The following PIEZO1 variants were observed in gnomAD, a reference collection of about 807,000 sequenced individuals.
PIEZO1 encodes piezo-type mechanosensitive ion channel component 1.
PIEZO1 carries 296 observed loss-of-function variants against 297.2 expected under a neutral mutation model. The ratio of observed to expected loss-of-function variants is 1.00; its 90% CI spans 0.91 to 1.10. The LOEUF (loss-of-function observed/expected upper bound fraction) is 1.10. Among genes scored for constraint, PIEZO1 ranks in the 50% least tolerant of loss-of-function variants. PIEZO1 has a pLI of 0.00. For synonymous variants in PIEZO1, 2,427 were observed against 1,507.5 expected, an observed-to-expected ratio of 1.61 and a Z score of -14.13; for missense variants, 5,018 against 3,455.5, an observed-to-expected ratio of 1.45 and a Z score of -11.34.
In PIEZO1 at chr16:88,738,744, G is replaced by C. The variant is rs1436048405; in HGVS notation, c.466-8C>G. On this transcript the variant is annotated splice_region_variant and splice_polypyrimidine_tract_variant and intron_variant, in intron 5 of 50. Transcript: ENST00000301015. ...ATCCCTCTCATCATCATCCTGCCAA[G>C]GTCACGGACAGGGGCAAGGTCAGGT... 7 of 1,525,172 alleles carry C rather than the reference G, an allele frequency of 4.6e-6. No individual in the cohort carries two copies. The highest frequency in any genetic ancestry group is 1.7e-4 in the Middle Eastern group (1 of 5,974). The allele number at this position is 1,525,172 out of a possible 1,614,324, so 94.5% of individuals were successfully genotyped here.
intron 3 of PIEZO1, 91 bp downstream of exon 3, chr16:88,742,209 G>C (rs1905724957): frequency 6.7e-7 from 1 of 1,501,398 alleles, no homozygotes; most frequent in African/African-American, 1.4e-5. Context: ...ATCAGGCTGA[G>C]TCAACCCCCC....
chr16:88,776,165 T>C (rs538392363), intron 1 of PIEZO1, among the ~76,000 whole-genome samples: 1 of 152,348 alleles, frequency 6.6e-6, no homozygotes, highest in East Asian at 1.9e-4. Context: ...CCGGGCGCGG[T>C]GGCTCACGCC....
Position 88,716,190 on chromosome 16 carries a change from A to C in PIEZO1, c.7129+8T>G, listed in dbSNP as rs1257068604. ...CTAGCCTCCCCCAACCCCCACGCCC[A>C]TACTCACTGGGCTGCAGCTGCTTCA... On this transcript the variant is annotated splice_region_variant and intron_variant, in intron 49 of 50. Transcript: ENST00000301015. 1 of 1,506,056 alleles carries C rather than the reference A, an allele frequency of 6.6e-7. No individual in the cohort carries two copies. Among genetic ancestry groups the C allele is most frequent in the Non-Finnish European group, 8.9e-7 (1 of 1,121,902 alleles). The allele number at this position is 1,506,056 out of a possible 1,614,324, so 93.3% of individuals were successfully genotyped here. A position where few individuals can be genotyped will look rare whatever the true frequency, so the allele number is the denominator to read the frequency against.
At chr16:88,718,498 C>A (rs1465385008) in intron 44 of PIEZO1, 1 of 152,258 alleles carries the variant, frequency 6.6e-6, no homozygotes, top group Admixed American at 6.5e-5. Context: ...TATCATTTGC[C>A]CATAAACAGG....
At chr16:88,719,529 C>A in intron 44 of PIEZO1, 45 bp downstream of exon 44, 1 of 1,515,192 alleles carries the variant, frequency 6.6e-7, no homozygotes, top group Non-Finnish European at 9.0e-7. Context: ...AGGGAGAGGG[C>A]ATATCCCTGG....
Position 88,738,652 on chromosome 16 carries a change from GCCGTGACCT to G in PIEZO1, c.541_549del (p.Arg181_Arg183del). On this transcript the variant is annotated inframe_deletion, in exon 6 of 51. Coordinates refer to ENST00000301015, the MANE Select transcript of PIEZO1 (RefSeq NM_001142864.4). ...GCCGTGACTCGGAAACGAGCGGCCA[GCCGTGACCT>G]CCGTGTAGGGGCCAGCGTTGCTGCT... 6.5e-7 allele frequency: 1 copy of G among 1,535,728 alleles called. No individual in the cohort carries two copies. Among genetic ancestry groups the G allele is most frequent in the African/African-American group, 1.4e-5 (1 of 73,180 alleles).
rs2340987 is a variant in PIEZO1, at chr16:88,733,009, G to C, written c.2664+269C>G. On this transcript the variant is annotated intron_variant, in intron 19 of 50. Coordinates refer to ENST00000301015, the MANE Select transcript of PIEZO1 (RefSeq NM_001142864.4). Reference sequence around the variant, plus strand: ...CAGAGATGCCTGACTGTCTCTCCCTGTCCAGGGGTGGGGCCCTCCCGTCCT... The same window carrying C: ...CAGAGATGCCTGACTGTCTCTCCCTCTCCAGGGGTGGGGCCCTCCCGTCCT... 0.22 allele frequency: 125,233 copies of C among 581,264 alleles called. 16,559 individuals are homozygous for C. Among genetic ancestry groups the C allele is most frequent in the East Asian group, 0.56 (19,652 of 34,938 alleles). 36.0% of individuals were successfully genotyped at this position (581,264 alleles called of 1,614,324 possible).
Position 88,731,909 on chromosome 16 carries a change from A to C in PIEZO1, c.2993T>G (p.Ile998Ser). ...NFFFYKFGLE[I>S]CFLMAVNVIG... The stretch of plus-strand genomic sequence containing the variant: ...CACGTTCACGGCCATCAGGAAGCAG[A>C]TCTGGGGAGGGGAGAGGGCGGGGTG... Residue 998 changes from isoleucine (I) to serine (S), a missense_variant and splice_region_variant, in exon 22 of 51, where the codon ATC becomes AGC. Physicochemically the swap from Ile to Ser is moderately radical, Grantham distance 142 (BLOSUM62 -2). Transcript: ENST00000301015. 1 of 536,776 alleles carries C rather than the reference A, an allele frequency of 1.9e-6. No homozygotes were observed. Among genetic ancestry groups the C allele is most frequent in the Non-Finnish European group, 2.3e-6 (1 of 428,896 alleles). 33.3% of individuals were successfully genotyped at this position (536,776 alleles called of 1,614,324 possible).
chr16:88,742,980 T>C (rs1349520267), intron 2 of PIEZO1: 2 of 445,224 alleles, frequency 4.5e-6, no homozygotes, highest in Non-Finnish European at 9.1e-6. Flanking sequence ...CTATGCATGG[T>C]ACCCAGTCCC....
intron 1 of PIEZO1, among the ~76,000 whole-genome samples, chr16:88,757,897 G>A (rs1261730459): frequency 6.6e-6 from 1 of 152,170 alleles, no homozygotes; most frequent in Admixed American, 6.5e-5. Context: ...GGCAGGAAGG[G>A]TCTGGGCCAG....
chr16:88,761,946 C>T (rs1403188121), intron 1 of PIEZO1, among the ~76,000 whole-genome samples: 2 of 152,204 alleles, frequency 1.3e-5, no homozygotes, highest in Admixed American at 1.3e-4. Flanking sequence ...ACAGAGCAAT[C>T]CCCTGACTCT....
chr16:88,749,814 G>A (rs2142864002), intron 1 of PIEZO1, among the ~76,000 whole-genome samples: 1 of 152,330 alleles, frequency 6.6e-6, no homozygotes. Flanking sequence ...GATCACTTGA[G>A]GTCAGGAGTT....
intron 1 of PIEZO1, among the ~76,000 whole-genome samples, chr16:88,752,625 G>C (rs2142868926): frequency 6.6e-6 from 1 of 152,308 alleles, no homozygotes; most frequent in South Asian, 2.1e-4. Context: ...TGAGGATGGA[G>C]ATGAGGGAGG....
chr16:88,784,891 C>A lies in PIEZO1; in HGVS notation c.64+10G>T. On this transcript the variant is annotated intron_variant, in intron 1 of 50. Transcript: ENST00000301015. ...CTCCCGTCGCCCCCAGGCGCCCGCC[C>A]CCCACTCACCAGCCAGCAGCGCGCA... 7.0e-7 allele frequency: 1 copy of A among 1,437,000 alleles called. No homozygotes were observed. The highest frequency in any genetic ancestry group is 9.2e-7 in the Non-Finnish European group (1 of 1,092,786). The allele number at this position is 1,437,000 out of a possible 1,614,324, so 89.0% of individuals were successfully genotyped here. A position where few individuals can be genotyped will look rare whatever the true frequency, so the allele number is the denominator to read the frequency against.
intron 1 of PIEZO1, among the ~76,000 whole-genome samples, chr16:88,751,708 G>A (rs1485003598): frequency 1.3e-5 from 2 of 151,368 alleles, no homozygotes; most frequent in East Asian, 3.9e-4. Context: ...TCTGGCCCAA[G>A]AGGCAGGAGG....
chr16:88,760,036 G>A (rs971053003), intron 1 of PIEZO1, among the ~76,000 whole-genome samples: 2 of 147,820 alleles, frequency 1.4e-5, no homozygotes, highest in Non-Finnish European at 3.0e-5. Flanking sequence ...ATCCCCACCT[G>A]CCCCTCAAAG....
In PIEZO1 at chr16:88,727,618, T is replaced by C. The variant is rs1014694065; in HGVS notation, c.3240A>G (p.Ala1080=). The C allele has an allele frequency of 5.9e-6, 9 of 1,524,504 alleles. No individual in the cohort carries two copies. In the African/African-American group the frequency reaches 9.7e-5, roughly 17 times the overall value. 94.4% of individuals were successfully genotyped at this position (1,524,504 alleles called of 1,614,324 possible). A position where few individuals can be genotyped will look rare whatever the true frequency, so the allele number is the denominator to read the frequency against. ...RWSRAVPMNS[A]LIKWLYLPDF... ...CAGGCAGGTACAGCCACTTGATGAGTGCGGAGTTCATGGGGACGGCCCGGC... is the reference window on the plus strand; with the variant it reads ...CAGGCAGGTACAGCCACTTGATGAGCGCGGAGTTCATGGGGACGGCCCGGC... Residue 1080 remains alanine (A), a synonymous_variant, in exon 23 of 51, where the codon GCA becomes GCG. Transcript: ENST00000301015.
In PIEZO1 at chr16:88,784,999, G is replaced by A. The variant is rs761467548; in HGVS notation, c.-35C>T. The A allele has an allele frequency of 4.0e-5, 48 of 1,208,942 alleles. No homozygotes were observed. Among genetic ancestry groups the A allele is most frequent in the Non-Finnish European group, 4.4e-5 (43 of 967,850 alleles). 74.9% of individuals were successfully genotyped at this position (1,208,942 alleles called of 1,614,324 possible). A position where few individuals can be genotyped will look rare whatever the true frequency, so the allele number is the denominator to read the frequency against. On this transcript the variant is annotated 5_prime_UTR_variant, in exon 1 of 51. Coordinates refer to ENST00000301015, the MANE Select transcript of PIEZO1 (RefSeq NM_001142864.4). ...GCCCAGGGCCCGGCCCAGACCGAGC[G>A]GACGCCGCGGCGCTATGGGGCGGTG...
At position 88,738,590 on chromosome 16, in the gene PIEZO1, G is replaced by A. The variant is rs947293729; in HGVS notation, c.612C>T (p.Ala204=). Residue 204 remains alanine, a synonymous_variant, in exon 6 of 51, where the codon GCC becomes GCT. Coordinates refer to ENST00000301015, the MANE Select transcript of PIEZO1 (RefSeq NM_001142864.4). Reference sequence around the variant, plus strand: ...TACCTGCCAGTGCAAGCAGTGTTACGGCCAGGACCCGCCCAGCCGCCACCA... The same window carrying A: ...TACCTGCCAGTGCAAGCAGTGTTACAGCCAGGACCCGCCCAGCCGCCACCA... The part of the protein sequence containing the change: ...WLLVAAGRVL[A]VTLLALAGIA... 46 of 1,535,380 alleles carry A rather than the reference G, an allele frequency of 3.0e-5. No individual in the cohort carries two copies. The highest frequency in any genetic ancestry group is 9.8e-5 in the Admixed American group (5 of 50,966).
Sources: gnomAD v4.1 joint callset for allele counts (sites outside exome capture counted in the v4.1 genomes callset) on GRCh38, gnomAD v4.1.1 for gene constraint, MANE v1.5 for transcripts, NCBI Gene and HGNC (gene_info 2026-07-23, HGNC 2026-07-21) for gene names.